The following GSG1L variants were observed in gnomAD, a reference collection of about 807,000 sequenced individuals.
GSG1L encodes germ cell-specific gene 1-like protein.
In GSG1L, 24 loss-of-function variants were observed where a neutral mutation model predicts 42.1. That is an observed-to-expected ratio of 0.57 (90% CI 0.41 to 0.80). The LOEUF (loss-of-function observed/expected upper bound fraction) is 0.80. Among genes scored for constraint, GSG1L ranks in the 30% least tolerant of loss-of-function variants. GSG1L has a pLI of 0.00. For synonymous variants in GSG1L, 215 were observed against 203.5 expected (o/e 1.06, Z -0.48); for missense variants, 445 against 472.2 (o/e 0.94, Z 0.53).
chr16:28,018,979 G>A (rs1011109258), intron 1 of GSG1L, among the ~76,000 whole-genome samples: 4 of 152,080 alleles, frequency 2.6e-5, no homozygotes, highest in Admixed American at 1.3e-4. Context: ...TGATCTGCTC[G>A]GGTGGAACTC....
At chr16:27,808,369 G>C (rs919301834) in intron 5 of GSG1L, among the ~76,000 whole-genome samples, 2 of 151,958 alleles carry the variant, frequency 1.3e-5, no homozygotes, top group African/African-American at 4.8e-5. Flanking sequence ...TTATAGGCAT[G>C]AGCCACTGTG....
Position 27,794,099 on chromosome 16 carries a change from C to T in GSG1L, c.899-2632G>A, listed in dbSNP as rs116855842. Among the ~76,000 whole-genome samples the T allele has an allele frequency of 3.0e-3, 461 of 152,332 alleles. 1 individual carries two copies. The highest frequency in any genetic ancestry group is 4.6e-3 in the Non-Finnish European group (315 of 68,038). On this transcript the variant is annotated intron_variant, in intron 6 of 6. Transcript: ENST00000447459. ...GCGCCATCATGGCTCACTGCAGCCTCGAGCTCCTAGGTTTAAACAATCCTC... is the reference window on the plus strand; with the variant it reads ...GCGCCATCATGGCTCACTGCAGCCTTGAGCTCCTAGGTTTAAACAATCCTC...
intron 2 of GSG1L, among the ~76,000 whole-genome samples, chr16:27,952,656 T>A (rs532532980): frequency 9.8e-5 from 15 of 152,340 alleles, no homozygotes; most frequent in African/African-American, 3.6e-4. Flanking sequence ...CAGGTTAAAA[T>A]GCCCTGTGTA....
rs146966226 is a variant in GSG1L, at chr16:27,863,775, G to C, written c.551-18714C>G. Among the ~76,000 whole-genome samples the C allele has an allele frequency of 3.0e-3, 463 of 152,312 alleles. 2 individuals are homozygous for C. The highest frequency in any genetic ancestry group is 0.01 in the African/African-American group (434 of 41,548). ...AGAAAGAGATCCAACAGCCCAAGGAGTTCCTGTGGCCCTGGCTGAGCTCCT... is the reference window on the plus strand; with the variant it reads ...AGAAAGAGATCCAACAGCCCAAGGACTTCCTGTGGCCCTGGCTGAGCTCCT... On this transcript the variant is annotated intron_variant, in intron 3 of 6. Transcript: ENST00000447459.
At chr16:27,961,476 T>G (rs2085071542) in intron 2 of GSG1L, among the ~76,000 whole-genome samples, 1 of 152,204 alleles carries the variant, frequency 6.6e-6, no homozygotes, top group Non-Finnish European at 1.5e-5. Flanking sequence ...CACCCAGCTC[T>G]GCCTCTCATG....
rs1191948451 is a variant in GSG1L, at chr16:27,789,411, T to C, written c.*1959A>G. The C allele has an allele frequency of 6.7e-6, 1 of 149,008 alleles. No individual in the cohort carries two copies. Among genetic ancestry groups the C allele is most frequent in the Non-Finnish European group, 1.5e-5 (1 of 67,436 alleles). The allele number at this position is 149,008 out of a possible 1,614,324, so 9.2% of individuals were successfully genotyped here. A position where few individuals can be genotyped will look rare whatever the true frequency, so the allele number is the denominator to read the frequency against. ...GAGGGATGAATGGATGAGTGGATGA[T>C]GGATAATGGATAGATGGAGGGATGA... On this transcript the variant is annotated 3_prime_UTR_variant, in exon 7 of 7. Coordinates refer to ENST00000447459, the MANE Select transcript of GSG1L (RefSeq NM_001109763.2).
chr16:27,919,580 CATCTAGCTTCCTAGA>C (rs1051275272), intron 2 of GSG1L, among the ~76,000 whole-genome samples: 9 of 152,214 alleles, frequency 5.9e-5, no homozygotes, highest in African/African-American at 2.2e-4. Context: ...TGCAGCAGAA[CATCTAGCTTCCTAGA>C]ATCCAGTACT....
Position 28,063,263 on chromosome 16 carries a change from G to A in GSG1L, c.162C>T (p.Asn54=). 2 of 1,357,204 alleles carry A rather than the reference G, an allele frequency of 1.5e-6. No individual in the cohort carries two copies. Among genetic ancestry groups the A allele is most frequent in the Non-Finnish European group, 1.9e-6 (2 of 1,046,852 alleles). 84.1% of individuals were successfully genotyped at this position (1,357,204 alleles called of 1,614,324 possible). ...CGQGGRANCP[N]SGANATANGT... ...CGTTGGCCGTGGCGTTGGCGCCCGA[G>A]TTGGGGCAGTTGGCGCGCCCGCCCT... The change falls in exon 1 of 7, where the codon AAC becomes AAT. Residue 54 remains asparagine, a synonymous_variant. Transcript: ENST00000447459. This position sits in a 1 kb window ranked among gnomAD's most constrained non-coding sequence, Gnocchi z 5.8.
intron 1 of GSG1L, among the ~76,000 whole-genome samples, chr16:27,990,095 C>T (rs932623473): frequency 1.3e-5 from 2 of 152,074 alleles, no homozygotes; most frequent in Admixed American, 1.3e-4. Flanking sequence ...GATTGCTAAC[C>T]CAACATCAAG....
At chr16:27,815,916 A>AT (rs2083088946) in intron 5 of GSG1L, among the ~76,000 whole-genome samples, 2 of 152,160 alleles carry the variant, frequency 1.3e-5, no homozygotes, top group Admixed American at 1.3e-4. Context: ...ATGAGCTATG[A>AT]TTGCACCACT....
intron 1 of GSG1L, among the ~76,000 whole-genome samples, chr16:28,058,340 C>T (rs899888432): frequency 5.3e-5 from 8 of 152,302 alleles, no homozygotes; most frequent in Admixed American, 2.0e-4. Context: ...GGAAGTTATA[C>T]TTGTCAGGCC....
intron 3 of GSG1L, among the ~76,000 whole-genome samples, chr16:27,875,755 G>A (rs115516245): frequency 2.6e-4 from 40 of 152,204 alleles, no homozygotes; most frequent in African/African-American, 7.7e-4. Flanking sequence ...TGACTTAGTT[G>A]GTCCAATTAT....
chr16:28,003,615 G>C (rs1327287545), intron 1 of GSG1L, among the ~76,000 whole-genome samples: 1 of 152,208 alleles, frequency 6.6e-6, no homozygotes, highest in African/African-American at 2.4e-5. Flanking sequence ...GCATGGCCGT[G>C]ACTGATGTTG....
At position 27,828,844 on chromosome 16, in the gene GSG1L, A is replaced by G; in HGVS notation, c.775T>C (p.Tyr259His). Residue 259 changes from tyrosine to histidine, a missense_variant, in exon 5 of 7, where the codon TAC becomes CAC. Around this residue, in one of 3 missense-constraint regions of GSG1L, gnomAD observed 140 missense variants for 120.6 expected, o/e 1.16. Coordinates refer to ENST00000447459, the MANE Select transcript of GSG1L (RefSeq NM_001109763.2). The part of the protein sequence containing the change: ...RHKRKVFEQG[Y>H]REEPTFIDPE... Reference sequence around the variant, plus strand: ...TCTATGAAGGTCGGCTCTTCCCGGTAGCCCTGCTCAAAGACCTTGCGCTTG... The same window carrying G: ...TCTATGAAGGTCGGCTCTTCCCGGTGGCCCTGCTCAAAGACCTTGCGCTTG... 6.2e-7 allele frequency: 1 copy of G among 1,614,194 alleles called. No individual in the cohort carries two copies. Among genetic ancestry groups the G allele is most frequent in the Non-Finnish European group, 8.5e-7 (1 of 1,180,042 alleles).
chr16:27,842,777 C>T (rs1022136269), intron 4 of GSG1L, among the ~76,000 whole-genome samples: 2 of 152,122 alleles, frequency 1.3e-5, no homozygotes, highest in African/African-American at 2.4e-5. Context: ...GCCCACTGAA[C>T]TGGTATGGGG....
intron 1 of GSG1L, among the ~76,000 whole-genome samples, chr16:28,027,530 A>G (rs772120573): frequency 7.9e-5 from 12 of 152,226 alleles, no homozygotes; most frequent in Non-Finnish European, 1.6e-4. Context: ...CACTAGTCAC[A>G]TGTTAAATGT....
intron 2 of GSG1L, among the ~76,000 whole-genome samples, chr16:27,898,357 C>A (rs1441353496): frequency 7.2e-5 from 10 of 139,688 alleles, no homozygotes; most frequent in Admixed American, 7.0e-5. Context: ...CGCCCACCCA[C>A]CCCCTGCGAG....
intron 1 of GSG1L, among the ~76,000 whole-genome samples, chr16:27,968,321 C>T (rs747683156): frequency 1.3e-5 from 2 of 152,082 alleles, no homozygotes; most frequent in African/African-American, 2.4e-5. Flanking sequence ...TCAATCATAG[C>T]TCACTGCAGC....
chr16:28,013,333 T>C (rs1211580943), intron 1 of GSG1L, among the ~76,000 whole-genome samples: 2 of 151,994 alleles, frequency 1.3e-5, no homozygotes, highest in Admixed American at 1.3e-4. Context: ...AGGAGCCAGC[T>C]AGGCAAGTGA....
Sources: gnomAD v4.1 joint callset for allele counts (sites outside exome capture counted in the v4.1 genomes callset) on GRCh38, gnomAD v4.1.1 for gene constraint, gnomAD v4.1.1 regional missense constraint, Gnocchi (gnomAD v3.1) non-coding constraint, MANE v1.5 for transcripts, NCBI Gene and HGNC (gene_info 2026-07-23, HGNC 2026-07-21) for gene names.